Variants in ANGPT4 observed in about 807,000 individuals in gnomAD.
ANGPT4 encodes angiopoietin-4.
ANGPT4 carries 50 observed loss-of-function variants against 53.0 expected under a neutral mutation model. The observed-to-expected ratio is 0.94, with a 90% CI of 0.75 to 1.20. ANGPT4 has a LOEUF of 1.20. ANGPT4 is among the 50% of genes most tolerant of loss of function. The probability of loss-of-function intolerance (pLI) is 0.00; values close to 1 mark genes in which losing one functional copy is unlikely to be tolerated. For synonymous variants in ANGPT4, 251 were observed against 259.7 expected (o/e 0.97, Z 0.32); for missense variants, 648 against 637.1 (o/e 1.02, Z -0.18).
chr20:904,981 G>T lies in ANGPT4; in HGVS notation c.309+10925C>A, dbSNP rs1982422942. On this transcript the variant is annotated intron_variant, in intron 1 of 8. Transcript: ENST00000381922. ...TGGTTTCTGCCCCTTTGGAGGAGAGGCCCTAGGGTCTGCAGAGGTGGCCAC... is the reference window on the plus strand; with the variant it reads ...TGGTTTCTGCCCCTTTGGAGGAGAGTCCCTAGGGTCTGCAGAGGTGGCCAC... Among the ~76,000 whole-genome samples the T allele has an allele frequency of 5.3e-5, 8 of 152,248 alleles. No individual in the cohort carries two copies. In the South Asian group the frequency reaches 1.7e-3, roughly 32 times the overall value.
chr20:894,564 C>T (rs562438550), intron 1 of ANGPT4, among the ~76,000 whole-genome samples: 219 of 152,250 alleles, frequency 1.4e-3, no homozygotes, highest in Non-Finnish European at 1.6e-3. Context: ...GCTGGGCCCA[C>T]CAGCATGGAT....
rs6039082 is a variant in ANGPT4 at position 890,102 on chromosome 20, G to T, written c.465+111C>A. 8.2e-6 allele frequency: 11 copies of T among 1,346,334 alleles called. No individual in the cohort carries two copies. In the African/African-American group the frequency reaches 1.6e-4, roughly 20 times the overall value. The allele number at this position is 1,346,334 out of a possible 1,614,324, so 83.4% of individuals were successfully genotyped here. On this transcript the variant is annotated intron_variant, in intron 2 of 8. Coordinates refer to ENST00000381922, the MANE Select transcript of ANGPT4 (RefSeq NM_015985.4). ...AGGGACCCGGGGGGCTACAGGCCCA[G>T]AGGAGGCCTTGACCCTACTCAGGGT...
chr20:874,271 AC>A lies in ANGPT4; in HGVS notation c.1351+12del. ...CTGTGGGTGGGCGGAGCTTCACCCCACCCTGCACCTACCTCCAGACATCACT... is the reference window on the plus strand; with the variant it reads ...CTGTGGGTGGGCGGAGCTTCACCCCACCTGCACCTACCTCCAGACATCACT... On this transcript the variant is annotated intron_variant, in intron 8 of 8. Coordinates refer to ENST00000381922, the MANE Select transcript of ANGPT4 (RefSeq NM_015985.4). 2 of 1,613,814 alleles carry A rather than the reference AC, an allele frequency of 1.2e-6. No homozygotes were observed. Among genetic ancestry groups the A allele is most frequent in the Non-Finnish European group, 1.7e-6 (2 of 1,179,856 alleles).
At position 908,781 on chromosome 20, in the gene ANGPT4, TG is replaced by T. The variant is rs1471445364; in HGVS notation, c.309+7124del. Reference sequence around the variant, plus strand: ...TATACACATTTGTGTTTGTGTGTGGTGGGGGGCAGGAGTCGGGGGTTGCACA... The same window carrying T: ...TATACACATTTGTGTTTGTGTGTGGTGGGGGCAGGAGTCGGGGGTTGCACA... On this transcript the variant is annotated intron_variant, in intron 1 of 8. Coordinates refer to ENST00000381922, the MANE Select transcript of ANGPT4 (RefSeq NM_015985.4). This position sits in a 1 kb window ranked among gnomAD's most constrained non-coding sequence, Gnocchi z 4.9. 4.3e-5 allele frequency among the ~76,000 whole-genome samples: 6 copies of T among 141,172 alleles called. No individual in the cohort carries two copies. The highest frequency in any genetic ancestry group is 9.3e-5 in the Non-Finnish European group (6 of 64,360). 92.6% of individuals were successfully genotyped at this position (141,172 alleles called of 152,430 possible). A position where few individuals can be genotyped will look rare whatever the true frequency, so the allele number is the denominator to read the frequency against.
chr20:873,171 T>C (rs748576472), intron 8 of ANGPT4, 51 bp from the exon 9 acceptor site: 1 of 1,424,374 alleles, frequency 7.0e-7, no homozygotes, highest in African/African-American at 1.5e-5. Flanking sequence ...GCCCAGCCAG[T>C]GGCAAGAGGG....
chr20:912,545 CA>C (rs1982745846), intron 1 of ANGPT4, among the ~76,000 whole-genome samples: 1 of 152,178 alleles, frequency 6.6e-6, no homozygotes, highest in African/African-American at 2.4e-5. Context: ...AGCTGACGTG[CA>C]GCCCCAGGAG....
In ANGPT4 at chr20:873,040, C is replaced by G. The variant is rs767569434; in HGVS notation, c.1432G>C (p.Gly478Arg). The G allele has an allele frequency of 2.5e-5, 41 of 1,613,970 alleles. No homozygotes were observed. The highest frequency in any genetic ancestry group is 3.5e-5 in the Non-Finnish European group (41 of 1,180,026). The change falls in exon 9 of 9, where the codon GGC becomes CGC. Residue 478 changes from glycine (G) to arginine (R), a missense_variant. Transcript: ENST00000381922. ...HAPDNKYKMD[G>R]IRWHYFKGPS... is the part of the protein sequence containing the mutation. ...CCCTTGAAGTAGTGCCAGCGGATGCCGTCCATCTTGTACTTGTTGTCGGGA... is the reference window on the plus strand; with the variant it reads ...CCCTTGAAGTAGTGCCAGCGGATGCGGTCCATCTTGTACTTGTTGTCGGGA...
chr20:904,296 A>C (rs886696994), intron 1 of ANGPT4, among the ~76,000 whole-genome samples: 6 of 152,038 alleles, frequency 3.9e-5, no homozygotes, highest in African/African-American at 1.4e-4. Context: ...TTTCCATCCC[A>C]CCACCTGCCC....
intron 1 of ANGPT4, among the ~76,000 whole-genome samples, chr20:913,717 G>T (rs1186819492): frequency 1.3e-5 from 2 of 152,244 alleles, no homozygotes; most frequent in Admixed American, 6.5e-5. Context: ...GGGAGGTGAT[G>T]ACAGCATCCT....
chr20:878,141 G>A lies in ANGPT4; in HGVS notation c.1220+20C>T, dbSNP rs372539440. On this transcript the variant is annotated intron_variant, in intron 7 of 8. Coordinates refer to ENST00000381922, the MANE Select transcript of ANGPT4 (RefSeq NM_015985.4). Reference sequence around the variant, plus strand: ...AGCTGAAGACCCCAGCCCCCACAACGGCCTGGGCCCCGAACCCACCTGTAT... The same window carrying A: ...AGCTGAAGACCCCAGCCCCCACAACAGCCTGGGCCCCGAACCCACCTGTAT... 5.4e-5 allele frequency: 85 copies of A among 1,574,960 alleles called. No individual in the cohort carries two copies. The highest frequency in any genetic ancestry group is 6.9e-5 in the Non-Finnish European group (79 of 1,150,758).
At chr20:912,545 C>A (rs1423922764) in intron 1 of ANGPT4, among the ~76,000 whole-genome samples, 1 of 152,178 alleles carries the variant, frequency 6.6e-6, no homozygotes, top group Non-Finnish European at 1.5e-5. Flanking sequence ...AGCTGACGTG[C>A]AGCCCCAGGA....
intron 1 of ANGPT4, among the ~76,000 whole-genome samples, chr20:909,189 G>A (rs989157301): frequency 1.3e-5 from 2 of 152,110 alleles, no homozygotes; most frequent in Non-Finnish European, 2.9e-5. Context: ...ATGCCACGAG[G>A]TTTATGAGTC....
chr20:899,082 A>G (rs1982171650), intron 1 of ANGPT4, among the ~76,000 whole-genome samples: 1 of 152,156 alleles, frequency 6.6e-6, no homozygotes, highest in African/African-American at 2.4e-5. Flanking sequence ...GGTAACTCTT[A>G]CAGTGGAGGG....
At chr20:892,594 CAAAA>C (rs59076723) in intron 1 of ANGPT4, among the ~76,000 whole-genome samples, 1 of 131,780 alleles carries the variant, frequency 7.6e-6, no homozygotes. Context: ...GACCGTGTCT[CAAAA>C]AAAAAAAAAA....
rs1568861842 is a variant in ANGPT4, at chr20:911,710, A to G, written c.309+4196T>C. 6.6e-6 allele frequency among the ~76,000 whole-genome samples: 1 copy of G among 152,024 alleles called. No homozygotes were observed. The highest frequency in any genetic ancestry group is 1.9e-4 in the East Asian group (1 of 5,166). ...CGTGTCCGCCGTCCCAGCTACTTGG[A>G]AGACTGAGGCGGGAGGATCGCTTGA... On this transcript the variant is annotated intron_variant, in intron 1 of 8. Coordinates refer to ENST00000381922, the MANE Select transcript of ANGPT4 (RefSeq NM_015985.4). The surrounding 1 kb of genome is among the most constrained non-coding windows in gnomAD (Gnocchi z 4.9).
At chr20:910,808 G>C (rs1189384373) in intron 1 of ANGPT4, among the ~76,000 whole-genome samples, 5 of 152,126 alleles carry the variant, frequency 3.3e-5, no homozygotes, top group African/African-American at 4.8e-5. Context: ...TGCTGCTGCT[G>C]GTGCCTGCCC....
At chr20:876,458 G>T (rs1981174895) in intron 7 of ANGPT4, among the ~76,000 whole-genome samples, 2 of 152,222 alleles carry the variant, frequency 1.3e-5, no homozygotes, top group Admixed American at 1.3e-4. Context: ...CTCCCAGAAA[G>T]CAGTCCAGTC....
At chr20:897,928 C>T (rs989344043) in intron 1 of ANGPT4, among the ~76,000 whole-genome samples, 6 of 152,108 alleles carry the variant, frequency 3.9e-5, no homozygotes, top group Admixed American at 3.9e-4. Flanking sequence ...TTCTAAATGG[C>T]CAGAAAACAG....
chr20:915,916 C>A lies in ANGPT4; in HGVS notation c.299G>T (p.Trp100Leu), dbSNP rs1403975074. 1.9e-6 allele frequency: 3 copies of A among 1,572,328 alleles called. No homozygotes were observed. The highest frequency in any genetic ancestry group is 2.6e-6 in the Non-Finnish European group (3 of 1,155,544). Residue 100 changes from tryptophan (W) to leucine (L), a missense_variant, in exon 1 of 9, where the codon TGG (tryptophan) becomes TTG (leucine). Transcript: ENST00000381922. ...TCCCATGCCCCGTACCTTCTTCAGC[C>A]ACTGCGTGTTGTTCTGCAGTGCCTG... ...LEQALQNNTQ[W>L]LKKLERAIKT...
Sources: allele counts gnomAD v4.1 joint callset (sites outside exome capture counted in the v4.1 genomes callset), GRCh38; gene constraint gnomAD v4.1.1; non-coding constraint Gnocchi (gnomAD v3.1); transcripts MANE v1.5; gene names NCBI Gene and HGNC (gene_info 2026-07-23, HGNC 2026-07-21).